Variants in TBC1D32 observed in about 807,000 individuals in gnomAD.
TBC1D32 encodes protein broad-minded.
In TBC1D32, 151 loss-of-function variants were observed where a neutral mutation model predicts 170.3. That is an observed-to-expected ratio of 0.89 (90% CI 0.78 to 1.01). The LOEUF (loss-of-function observed/expected upper bound fraction) is 1.01. TBC1D32 is among the 50% of genes least tolerant of loss of function. TBC1D32 has a pLI of 0.00. For synonymous variants in TBC1D32, 498 were observed against 488.0 expected, an observed-to-expected ratio of 1.02 and a Z score of -0.27; for missense variants, 1,464 against 1,457.1, an observed-to-expected ratio of 1.00 and a Z score of -0.08.
At chr6:121,233,745 T>C (rs115385889) in intron 20 of TBC1D32, among the ~76,000 whole-genome samples, 16 of 152,304 alleles carry the variant, frequency 1.1e-4, no homozygotes, top group African/African-American at 3.8e-4. Context: ...GTTCTATTCA[T>C]CAAGCTATTT....
At chr6:121,082,366 G>T (rs186825261) in intron 31 of TBC1D32, among the ~76,000 whole-genome samples, 4 of 152,108 alleles carry the variant, frequency 2.6e-5, no homozygotes, top group African/African-American at 9.6e-5. Flanking sequence ...TACTGTTCAA[G>T]AACTCATTTT....
chr6:121,310,309 T>C (rs912673818), intron 4 of TBC1D32, among the ~76,000 whole-genome samples: 1 of 152,170 alleles, frequency 6.6e-6, no homozygotes, highest in Non-Finnish European at 1.5e-5. Flanking sequence ...CAGCTCAACT[T>C]AGCCATTCCT....
chr6:121,241,672 C>A, intron 18 of TBC1D32, 120 bp from the exon 19 acceptor site: 1 of 862,180 alleles, frequency 1.2e-6, no homozygotes, highest in Middle Eastern at 2.2e-4. Flanking sequence ...TAAAATCATA[C>A]CTAAGATCTT....
intron 12 of TBC1D32, among the ~76,000 whole-genome samples, chr6:121,288,180 C>T (rs1243704299): frequency 6.6e-6 from 1 of 152,026 alleles, no homozygotes; most frequent in Non-Finnish European, 1.5e-5. Flanking sequence ...AATAAAGACA[C>T]AAAAAACTCT....
intron 17 of TBC1D32, among the ~76,000 whole-genome samples, chr6:121,244,318 A>C (rs1302354502): frequency 1.3e-5 from 2 of 152,216 alleles, no homozygotes; most frequent in Non-Finnish European, 2.9e-5. Context: ...TCAATAAAAG[A>C]AGTCTATGTG....
At chr6:121,225,072 G>A (rs1299844561) in intron 20 of TBC1D32, among the ~76,000 whole-genome samples, 1 of 151,766 alleles carries the variant, frequency 6.6e-6, no homozygotes, top group Non-Finnish European at 1.5e-5. Flanking sequence ...AGAAAAGGAA[G>A]AAAAAAATTG....
At chr6:121,180,708 C>T (rs532565769) in intron 22 of TBC1D32, among the ~76,000 whole-genome samples, 5 of 152,072 alleles carry the variant, frequency 3.3e-5, no homozygotes, top group South Asian at 2.1e-4. Flanking sequence ...AAAGCAAAGG[C>T]GACAATGCAA....
At chr6:121,289,826 G>A (rs1804535824) in intron 12 of TBC1D32, among the ~76,000 whole-genome samples, 1 of 152,054 alleles carries the variant, frequency 6.6e-6, no homozygotes, top group African/African-American at 2.4e-5. Context: ...ACAGAACAGA[G>A]CCCTCAGAAA....
chr6:121,229,530 T>A (rs1795475441), intron 20 of TBC1D32, among the ~76,000 whole-genome samples: 1 of 152,114 alleles, frequency 6.6e-6, no homozygotes, highest in South Asian at 2.1e-4. Context: ...TCTAAAGGCT[T>A]GATCAAATTA....
At chr6:121,235,985 GTTCA>G (rs1796286568) in intron 20 of TBC1D32, among the ~76,000 whole-genome samples, 1 of 152,044 alleles carries the variant, frequency 6.6e-6, no homozygotes, top group Admixed American at 6.6e-5. Context: ...AGAATATTTA[GTTCA>G]TTTGCATTTA....
At chr6:121,133,152 TA>T (rs1234580112) in intron 24 of TBC1D32, among the ~76,000 whole-genome samples, 1 of 151,970 alleles carries the variant, frequency 6.6e-6, no homozygotes, top group Non-Finnish European at 1.5e-5. Context: ...TATTTTAGGT[TA>T]ATTAACCCCA....
chr6:121,141,305 A>T (rs1368626312), intron 24 of TBC1D32, among the ~76,000 whole-genome samples: 1 of 152,192 alleles, frequency 6.6e-6, no homozygotes, highest in Non-Finnish European at 1.5e-5. Flanking sequence ...CCATGGGAAG[A>T]GTAGGAATTA....
chr6:121,290,322 A>G (rs1362853955), intron 12 of TBC1D32, among the ~76,000 whole-genome samples: 2 of 152,232 alleles, frequency 1.3e-5, no homozygotes, highest in African/African-American at 2.4e-5. Context: ...AAACAACCCC[A>G]TCAACAAGTG....
At chr6:121,102,658 C>G (rs1457479361) in intron 30 of TBC1D32, among the ~76,000 whole-genome samples, 1 of 152,078 alleles carries the variant, frequency 6.6e-6, no homozygotes, top group African/African-American at 2.4e-5. Context: ...CTAGGCAATA[C>G]CATTCAGGAC....
intron 20 of TBC1D32, among the ~76,000 whole-genome samples, chr6:121,227,342 AT>A (rs1795201676): frequency 6.6e-6 from 1 of 152,074 alleles, no homozygotes; most frequent in Non-Finnish European, 1.5e-5. Flanking sequence ...TTTTTTTCCA[AT>A]CTGTATGCCT....
chr6:121,106,950 T>A (rs1448741064), intron 29 of TBC1D32, among the ~76,000 whole-genome samples: 2 of 151,904 alleles, frequency 1.3e-5, no homozygotes, highest in African/African-American at 4.8e-5. Flanking sequence ...AGCCAACATA[T>A]ACCCATAATA....
chr6:121,197,687 G>C (rs1037867155), intron 22 of TBC1D32, among the ~76,000 whole-genome samples: 2 of 152,110 alleles, frequency 1.3e-5, no homozygotes, highest in Admixed American at 6.5e-5. Flanking sequence ...GCGTAATTAT[G>C]ATCTTATTAT....
chr6:121,317,554 C>T lies in TBC1D32; in HGVS notation c.436G>A (p.Glu146Lys). ...TCTGTGCGGTAACTATGGCTTTTCT[C>T]CTTTTGGATTTTTTTCTGCCTTTCT... ...NQERQKKIQK[E>K]KSHSYRTDNC... is the part of the protein sequence containing the mutation. Residue 146 changes from glutamate to lysine, a missense_variant, in exon 3 of 32, where the codon GAG becomes AAG. Glu to Lys is a moderately conservative substitution (Grantham distance 56). Coordinates refer to ENST00000398212, the MANE Select transcript of TBC1D32 (RefSeq NM_152730.6). 1 of 1,612,848 alleles carries T rather than the reference C, an allele frequency of 6.2e-7. No individual in the cohort carries two copies.
chr6:121,244,491 T>C (rs1258281739), intron 17 of TBC1D32, among the ~76,000 whole-genome samples: 2 of 152,024 alleles, frequency 1.3e-5, no homozygotes, highest in African/African-American at 2.4e-5. Flanking sequence ...GGACCTGCTG[T>C]GGGGGTGGTT....
Sources: allele counts gnomAD v4.1 joint callset (sites outside exome capture counted in the v4.1 genomes callset), GRCh38; gene constraint gnomAD v4.1.1; transcripts MANE v1.5; gene names NCBI Gene and HGNC (gene_info 2026-07-23, HGNC 2026-07-21).